Variants in NDRG1 observed in about 807,000 individuals in gnomAD.
The protein encoded by NDRG1 is N-myc downstream regulated 1, also known as protein NDRG1.
In NDRG1, 32 loss-of-function variants were observed where a neutral mutation model predicts 56.9. The observed-to-expected ratio is 0.56, with a 90% CI of 0.42 to 0.76. NDRG1 has a LOEUF of 0.76. Among genes scored for constraint, NDRG1 ranks in the 30% least tolerant of loss-of-function variants. The pLI, the probability that NDRG1 is intolerant of heterozygous loss-of-function variation, is 0.00. For missense variants in NDRG1, 507 were observed against 545.7 expected (o/e 0.93, Z 0.71); for synonymous variants, 211 against 204.1 (o/e 1.03, Z -0.29).
chr8:133,249,186 C>T, intron 10 of NDRG1: 2 of 317,578 alleles, frequency 6.3e-6, no homozygotes, highest in Non-Finnish European at 1.2e-5. Flanking sequence ...CTCTATAAAG[C>T]ACCCAAATGA....
rs750369546 is a variant in NDRG1, at chr8:133,238,929, C to T, written c.1134G>A (p.Ser378=). The T allele has an allele frequency of 2.0e-4, 313 of 1,565,790 alleles. No homozygotes were observed. The highest frequency in any genetic ancestry group is 2.5e-4 in the Non-Finnish European group (285 of 1,155,844). ...EGAHLDITPN[S]GAAGNSAGPK... is the part of the protein sequence containing the mutation. ...GCCCGGCGCTGTTCCCAGCAGCACC[C>T]GAGTTGGGGGTGATGTCCAGGTGGG... Residue 378 remains serine (S), a synonymous_variant, in exon 16 of 16, where the codon TCG becomes TCA. Coordinates refer to ENST00000323851, the MANE Select transcript of NDRG1 (RefSeq NM_006096.4).
intron 14 of NDRG1, 31 bp from the exon 15 acceptor site, chr8:133,242,105 A>G (rs1469880853): frequency 6.2e-7 from 1 of 1,613,802 alleles, no homozygotes; most frequent in African/African-American, 1.3e-5. Context: ...AAATGCAGTC[A>G]GTTGCTGGGG....
At chr8:133,273,564 A>G (rs2929995) in intron 3 of NDRG1, among the ~76,000 whole-genome samples, 101,265 of 152,106 alleles carry the variant, frequency 0.67, 35,608 homozygotes, top group East Asian at 1. Flanking sequence ...ATAGCCCAGC[A>G]CGGTTTCTGA....
At chr8:133,256,943 G>A in intron 7 of NDRG1, 80 bp from the exon 8 acceptor site, 1 of 1,369,986 alleles carries the variant, frequency 7.3e-7, no homozygotes, top group South Asian at 1.2e-5. Flanking sequence ...ACCAAAGCTT[G>A]AGAGAAGTAC....
intron 15 of NDRG1, chr8:133,240,929 G>A (rs1855344365): frequency 6.6e-6 from 1 of 152,170 alleles, no homozygotes; most frequent in African/African-American, 2.4e-5. Context: ...AGGCTAGAAA[G>A]GCAGGAGCCC....
intron 1 of NDRG1, among the ~76,000 whole-genome samples, chr8:133,285,599 G>A (rs117549241): frequency 0.02 from 3,058 of 152,280 alleles, 48 homozygotes; most frequent in Non-Finnish European, 0.029. Flanking sequence ...CGGCAAGTGC[G>A]GGCCACCCCG....
chr8:133,237,743 C>A lies in NDRG1; in HGVS notation c.*1135G>T. The A allele has an allele frequency of 8.7e-6, 2 of 230,478 alleles. No homozygotes were observed. Among genetic ancestry groups the A allele is most frequent in the Non-Finnish European group, 8.6e-6 (1 of 116,886 alleles). 14.3% of individuals were successfully genotyped at this position (230,478 alleles called of 1,614,324 possible). A position where few individuals can be genotyped will look rare whatever the true frequency, so the allele number is the denominator to read the frequency against. On this transcript the variant is annotated 3_prime_UTR_variant, in exon 16 of 16. Coordinates refer to ENST00000323851, the MANE Select transcript of NDRG1 (RefSeq NM_006096.4). ...AGTTCTGAGGATCCAAGAACGTGAC[C>A]GGGTCAGACAGGTTCAGCTACTGAG...
chr8:133,265,348 T>C (rs535234953), intron 3 of NDRG1, among the ~76,000 whole-genome samples: 1 of 152,240 alleles, frequency 6.6e-6, no homozygotes, highest in South Asian at 2.1e-4. Context: ...AGCAGCCACA[T>C]TGTCACCGTG....
At chr8:133,250,677 CT>C in intron 9 of NDRG1, 134 bp from the exon 10 acceptor site, 1 of 776,560 alleles carries the variant, frequency 1.3e-6, no homozygotes, top group Non-Finnish European at 2.2e-6. Context: ...AGCGACGGAC[CT>C]AAAAAAAAAA....
intron 3 of NDRG1, among the ~76,000 whole-genome samples, chr8:133,267,525 C>T (rs1268995844): frequency 1.3e-5 from 2 of 152,210 alleles, no homozygotes; most frequent in Non-Finnish European, 2.9e-5. Flanking sequence ...CTGCCCATAA[C>T]AGGCACTGGA....
chr8:133,237,781 C>T lies in NDRG1; in HGVS notation c.*1097G>A, dbSNP rs932331118. The T allele has an allele frequency of 1.7e-5, 4 of 231,794 alleles. No homozygotes were observed. Among genetic ancestry groups the T allele is most frequent in the African/African-American group, 8.9e-5 (4 of 45,116 alleles). 14.4% of individuals were successfully genotyped at this position (231,794 alleles called of 1,614,324 possible). On this transcript the variant is annotated 3_prime_UTR_variant, in exon 16 of 16. Coordinates refer to ENST00000323851, the MANE Select transcript of NDRG1 (RefSeq NM_006096.4). ...TTCAGCTACTGAGTTCACGTTCCAG[C>T]CCAGCTGTCGAAGATTGAAAACTGG...
chr8:133,271,755 G>A (rs191070060), intron 3 of NDRG1, among the ~76,000 whole-genome samples: 1 of 130,286 alleles, frequency 7.7e-6, no homozygotes, highest in African/African-American at 3.0e-5. Flanking sequence ...ACTCCAGCAT[G>A]GGCAACAAAG....
chr8:133,252,091 G>GTT (rs1856083303), intron 9 of NDRG1, among the ~76,000 whole-genome samples: 1 of 152,128 alleles, frequency 6.6e-6, no homozygotes, highest in Non-Finnish European at 1.5e-5. Flanking sequence ...ATACACTTTT[G>GTT]TTTTCCTTTT....
chr8:133,287,065 G>A (rs1349101992), intron 1 of NDRG1, among the ~76,000 whole-genome samples: 1 of 152,216 alleles, frequency 6.6e-6, no homozygotes, highest in South Asian at 2.1e-4. Flanking sequence ...CCATCAAGCA[G>A]CCCTTACCTT....
intron 14 of NDRG1, among the ~76,000 whole-genome samples, chr8:133,242,530 C>A (rs1016397121): frequency 6.6e-6 from 1 of 152,180 alleles, no homozygotes; most frequent in East Asian, 1.9e-4. Context: ...CAGATTTGGA[C>A]AGGTAAATCC....
At chr8:133,267,491 C>T (rs1856979675) in intron 3 of NDRG1, among the ~76,000 whole-genome samples, 1 of 152,178 alleles carries the variant, frequency 6.6e-6, no homozygotes, top group African/African-American at 2.4e-5. Context: ...CCCTCTCTGC[C>T]CCTCAGGGCC....
intron 3 of NDRG1, among the ~76,000 whole-genome samples, chr8:133,269,860 C>T (rs1056710136): frequency 1.3e-5 from 2 of 152,208 alleles, no homozygotes; most frequent in African/African-American, 4.8e-5. Context: ...CAAACAGAAT[C>T]GAGAAATAAT....
intron 15 of NDRG1, chr8:133,239,444 G>C: frequency 3.8e-6 from 2 of 522,856 alleles, no homozygotes; most frequent in Non-Finnish European, 7.0e-6. Flanking sequence ...CATCTGTAAA[G>C]CAAGTATGTT....
chr8:133,255,868 G>A (rs935372566), intron 8 of NDRG1: 1 of 154,550 alleles, frequency 6.5e-6, no homozygotes, highest in Non-Finnish European at 1.4e-5. Flanking sequence ...CCCTCTCCTT[G>A]GCCAACACTG....
Sources: gnomAD v4.1 joint callset for allele counts (sites outside exome capture counted in the v4.1 genomes callset) on GRCh38, gnomAD v4.1.1 for gene constraint, MANE v1.5 for transcripts, NCBI Gene and HGNC (gene_info 2026-07-23, HGNC 2026-07-21) for gene names.